The following NIBAN3 variants were observed in gnomAD, a reference collection of about 807,000 sequenced individuals.
NIBAN3 encodes the protein protein Niban 3.
Under a neutral mutation model 76.4 loss-of-function variants are expected in NIBAN3, and 66 were observed. The observed-to-expected ratio is 0.86, with a 90% CI of 0.71 to 1.06. The LOEUF (loss-of-function observed/expected upper bound fraction) is 1.06, where lower values mean the gene tolerates loss of function less well. Ranked by LOEUF, NIBAN3 falls within the 50% of genes least tolerant of loss-of-function variation. The pLI is 0.00. For synonymous variants in NIBAN3, 360 were observed against 355.2 expected (o/e 1.01, Z -0.15); for missense variants, 808 against 810.7 (o/e 1.00, Z 0.04).
At chr19:17,549,394 C>A in intron 13 of NIBAN3, 50 bp from the exon 14 acceptor site, 1 of 1,344,784 alleles carries the variant, frequency 7.4e-7, no homozygotes. Context: ...AGGGAAGCCC[C>A]TTGATGCCTG....
At position 17,552,046 on chromosome 19, in the gene NIBAN3, T is replaced by A; in HGVS notation, c.*148T>A. The A allele has an allele frequency of 2.2e-6, 1 of 459,446 alleles. No homozygotes were observed. Among genetic ancestry groups the A allele is most frequent in the Non-Finnish European group, 3.9e-6 (1 of 255,684 alleles). 28.5% of individuals were successfully genotyped at this position (459,446 alleles called of 1,614,324 possible). A position where few individuals can be genotyped will look rare whatever the true frequency, so the allele number is the denominator to read the frequency against. ...TTTATACTCCAAGCAGCAGCATTTA[T>A]TTGTGTATTTTCCCCAAGGCTTTCT... is the stretch of plus-strand genomic sequence containing the variant. On this transcript the variant is annotated 3_prime_UTR_variant, in exon 15 of 15. Coordinates refer to ENST00000599164, the MANE Select transcript of NIBAN3 (RefSeq NM_001321827.2).
chr19:17,550,534 G>C (rs993439654), intron 14 of NIBAN3, among the ~76,000 whole-genome samples: 3 of 152,050 alleles, frequency 2.0e-5, no homozygotes, highest in African/African-American at 7.2e-5. Context: ...GGGTGTGGTG[G>C]AATGCACCTG....
rs370655406 is a variant in NIBAN3 at position 17,533,945 on chromosome 19, AAAAC to A, written c.427+270_427+273del. 7.5e-3 allele frequency among the ~76,000 whole-genome samples: 1,146 copies of A among 152,194 alleles called. 8 individuals are homozygous for A. Among genetic ancestry groups the A allele is most frequent in the African/African-American group, 0.023 (956 of 41,506 alleles). On this transcript the variant is annotated intron_variant, in intron 4 of 14. Coordinates refer to ENST00000599164, the MANE Select transcript of NIBAN3 (RefSeq NM_001321827.2). ...CTACGGGTGAGCATCCCTACTCTGG[AAAAC>A]AAACAAACAAACAAACAAACAAACA...
In NIBAN3 at chr19:17,540,476, C is replaced by A. The variant is rs773486268; in HGVS notation, c.1064C>A (p.Thr355Asn). The change falls in exon 9 of 15, where the codon ACC becomes AAC. Residue 355 changes from threonine (T) to asparagine (N), a missense_variant. Transcript: ENST00000599164. ...LPRVVQTLLR[T>N]VEASLEAVRT... is the part of the protein sequence containing the mutation. Reference sequence around the variant, plus strand: ...CGGGTCGTGCAGACCCTGCTGCGCACCGTGGAAGCCTCGCTCGAGGCGGTG... The same window carrying A: ...CGGGTCGTGCAGACCCTGCTGCGCAACGTGGAAGCCTCGCTCGAGGCGGTG... 3.1e-6 allele frequency: 5 copies of A among 1,599,246 alleles called. No homozygotes were observed. The highest frequency in any genetic ancestry group is 3.4e-5 in the Admixed American group (2 of 58,630).
chr19:17,555,465 C>G, downstream of NIBAN3: 1 of 233,000 alleles, frequency 4.3e-6, no homozygotes, highest in Non-Finnish European at 7.9e-6. Context: ...CCCCTAACAT[C>G]CCTTCCACGC....
At chr19:17,523,608 G>T (rs1363492747), upstream of NIBAN3, 5 of 617,402 alleles carry the variant, frequency 8.1e-6, no homozygotes, top group Non-Finnish European at 1.4e-5. Context: ...GGATGGTTGT[G>T]CCTGGGGCTG....
rs114207587 is a variant in NIBAN3, at chr19:17,539,420, C to A, written c.785C>A (p.Ala262Glu). The change falls in exon 7 of 15, where the codon GCA (alanine) becomes GAA (glutamate). Residue 262 changes from alanine (A) to glutamate (E), a missense_variant. Physicochemically the swap from Ala to Glu is moderately radical, Grantham distance 107. Transcript: ENST00000599164. ...RAQTLPGLRG[A>E]GRARAWAWTE... ...CAGACCCTTCCTGGCCTGCGGGGGG[C>A]AGGCCGCGCCCGCGCCTGGGCCTGG... 81,477 of 1,512,660 alleles carry A rather than the reference C, an allele frequency of 0.054. 2,358 individuals are homozygous for A. Among genetic ancestry groups the A allele is most frequent in the South Asian group, 0.077 (6,218 of 80,294 alleles). The allele number at this position is 1,512,660 out of a possible 1,614,324, so 93.7% of individuals were successfully genotyped here.
At chr19:17,545,351 G>A (rs908512628) in intron 12 of NIBAN3, 30 of 161,884 alleles carry the variant, frequency 1.9e-4, no homozygotes, top group African/African-American at 4.1e-4. Flanking sequence ...ACAGGCACCC[G>A]CTATAGGGAC....
intron 4 of NIBAN3, among the ~76,000 whole-genome samples, chr19:17,535,176 T>C (rs1415640652): frequency 6.6e-6 from 1 of 152,188 alleles, no homozygotes; most frequent in African/African-American, 2.4e-5. Flanking sequence ...TGGCGGCATA[T>C]GCCTGTAGTC....
Position 17,553,456 on chromosome 19 carries a change from A to G in NIBAN3, c.*1558A>G. The G allele has an allele frequency of 6.2e-7, 1 of 1,614,200 alleles. No homozygotes were observed. The highest frequency in any genetic ancestry group is 8.5e-7 in the Non-Finnish European group (1 of 1,180,040). On this transcript the variant is annotated 3_prime_UTR_variant, in exon 15 of 15. Coordinates refer to ENST00000599164, the MANE Select transcript of NIBAN3 (RefSeq NM_001321827.2). ...CAGCTGCTTCCGGAGTGGGTTCCAC[A>G]GGGATTCCCGTGTGTTCTTGGTTCA...
At chr19:17,539,299 C>T (rs1287331292) in intron 6 of NIBAN3, 34 bp downstream of exon 6, 4 of 1,566,362 alleles carry the variant, frequency 2.6e-6, no homozygotes, top group African/African-American at 1.4e-5. Context: ...CCGGGACCCC[C>T]AGGACCCTCC....
chr19:17,539,024 G>A (rs2144721441), intron 5 of NIBAN3, 126 bp from the exon 6 acceptor site: 1 of 752,050 alleles, frequency 1.3e-6, no homozygotes, highest in East Asian at 2.7e-5. Context: ...CATTGCCTAT[G>A]CAAAGTTCCA....
intron 12 of NIBAN3, among the ~76,000 whole-genome samples, chr19:17,544,735 A>G (rs2076018622): frequency 1.3e-5 from 2 of 152,204 alleles, no homozygotes; most frequent in South Asian, 2.1e-4. Context: ...CACAGGGCTC[A>G]TGGGCACCAG....
chr19:17,531,326 AAC>A (rs35489460), intron 2 of NIBAN3, among the ~76,000 whole-genome samples: 42,075 of 128,314 alleles, frequency 0.33, 7,265 homozygotes, highest in Admixed American at 0.42. Flanking sequence ...GACTCTGTCA[AAC>A]ACACACACAC....
Position 17,539,413 on chromosome 19 carries a change from C to CG in NIBAN3, c.784dup (p.Ala262GlyfsTer149), listed in dbSNP as rs1012039937. 13 of 1,521,408 alleles carry CG rather than the reference C, an allele frequency of 8.5e-6. No homozygotes were observed. In the Admixed American group the frequency reaches 1.1e-4, roughly 12 times the overall value. 94.2% of individuals were successfully genotyped at this position (1,521,408 alleles called of 1,614,324 possible). A position where few individuals can be genotyped will look rare whatever the true frequency, so the allele number is the denominator to read the frequency against. On this transcript the variant is annotated frameshift_variant, in exon 7 of 15. Transcript: ENST00000599164. LOFTEE classifies it high-confidence loss of function. Reference sequence around the variant, plus strand: ...GCGAGCCCAGACCCTTCCTGGCCTGCGGGGGGCAGGCCGCGCCCGCGCCTG... The same window carrying CG: ...GCGAGCCCAGACCCTTCCTGGCCTGCGGGGGGGCAGGCCGCGCCCGCGCCTG...
chr19:17,549,802 T>G (rs2076124187), intron 14 of NIBAN3: 6 of 533,592 alleles, frequency 1.1e-5, no homozygotes, highest in Non-Finnish European at 1.6e-5. Flanking sequence ...TGAATTTGTG[T>G]CCCATCTCTC....
At chr19:17,523,551 G>T (rs2144651861), upstream of NIBAN3, 2 of 1,096,828 alleles carry the variant, frequency 1.8e-6, no homozygotes, top group Non-Finnish European at 2.6e-6. Context: ...CAGGCACGGG[G>T]CTGCGAAGTG....
At chr19:17,536,481 G>T (rs994815837) in intron 4 of NIBAN3, among the ~76,000 whole-genome samples, 1 of 152,156 alleles carries the variant, frequency 6.6e-6, no homozygotes, top group Non-Finnish European at 1.5e-5. Flanking sequence ...GACCCACCTC[G>T]CCTGGCCTGG....
intron 14 of NIBAN3, among the ~76,000 whole-genome samples, chr19:17,551,339 C>G (rs1200916520): frequency 2.6e-5 from 4 of 151,796 alleles, no homozygotes; most frequent in African/African-American, 9.7e-5. Context: ...AGGTGATCCA[C>G]CTGCCTCGGC....
Sources: allele counts gnomAD v4.1 joint callset (sites outside exome capture counted in the v4.1 genomes callset), GRCh38; gene constraint gnomAD v4.1.1; transcripts MANE v1.5; gene names NCBI Gene and HGNC (gene_info 2026-07-23, HGNC 2026-07-21).